MANEA: variants seen among roughly 807,000 people sequenced by gnomAD.
MANEA encodes mannosidase endo-alpha, also known as glycoprotein endo-alpha-1,2-mannosidase.
MANEA carries 25 observed loss-of-function variants against 36.8 expected under a neutral mutation model. The observed-to-expected ratio is 0.68, with a 90% CI of 0.50 to 0.95. MANEA has a LOEUF of 0.95. Ranked by LOEUF, MANEA falls within the 40% of genes least tolerant of loss-of-function variation. MANEA has a pLI of 0.00. For synonymous variants in MANEA, 198 were observed against 188.5 expected (o/e 1.05, Z -0.41); for missense variants, 565 against 558.8 (o/e 1.01, Z -0.11).
At position 95,606,362 on chromosome 6, in the gene MANEA, A is replaced by G. The variant is rs560191537; in HGVS notation, c.1346A>G (p.Glu449Gly). Reference sequence around the variant, plus strand: ...AAGTGGTCTGAAAAATACAGTAAGGAAAGAGCAACTTATGCATTAGATCGC... The same window carrying G: ...AAGTGGTCTGAAAAATACAGTAAGGGAAGAGCAACTTATGCATTAGATCGC... ...TRKWSEKYSK[E>G]RATYALDRQL... The change falls in exon 5 of 5, where the codon GAA (glutamate) becomes GGA (glycine). Residue 449 changes from glutamate to glycine, a missense_variant. By Grantham distance (98) the Glu-to-Gly change is moderately conservative. Coordinates refer to ENST00000358812, the MANE Select transcript of MANEA (RefSeq NM_024641.4). 1 of 1,604,354 alleles carries G rather than the reference A, an allele frequency of 6.2e-7. No homozygotes were observed. Among genetic ancestry groups the G allele is most frequent in the East Asian group, 2.2e-5 (1 of 44,860 alleles).
At chr6:95,578,436 T>A (rs2127936051) in intron 1 of MANEA, among the ~76,000 whole-genome samples, 1 of 151,894 alleles carries the variant, frequency 6.6e-6, no homozygotes. Flanking sequence ...ATAAGAAAAA[T>A]GGGACTGGAA....
intron 4 of MANEA, 29 bp from the exon 5 acceptor site, chr6:95,605,719 T>C (rs1358450910): frequency 6.4e-7 from 1 of 1,553,854 alleles, no homozygotes; most frequent in Admixed American, 1.8e-5. Context: ...TGAATATTCA[T>C]TTCACTTTTA....
chr6:95,579,622 TA>T, intron 1 of MANEA, among the ~76,000 whole-genome samples: 1 of 152,336 alleles, frequency 6.6e-6, no homozygotes, highest in East Asian at 1.9e-4. Flanking sequence ...TTAATTTAGT[TA>T]ATTGAAAGGG....
At chr6:95,601,343 C>T (rs1173398931) in intron 3 of MANEA, among the ~76,000 whole-genome samples, 1 of 152,172 alleles carries the variant, frequency 6.6e-6, no homozygotes, top group African/African-American at 2.4e-5. Context: ...GGTTTTCCTT[C>T]CCCTGCATGC....
At chr6:95,598,551 G>A (rs1769527700) in intron 3 of MANEA, among the ~76,000 whole-genome samples, 1 of 152,094 alleles carries the variant, frequency 6.6e-6, no homozygotes, top group Non-Finnish European at 1.5e-5. Context: ...GGGCTACAGG[G>A]TTGTTTTTGT....
rs556310435 is a variant in MANEA at position 95,598,427 on chromosome 6, G to A, written c.654+1581G>A. On this transcript the variant is annotated intron_variant, in intron 3 of 4. Coordinates refer to ENST00000358812, the MANE Select transcript of MANEA (RefSeq NM_024641.4). ...AGGATCCACTAACAGACTTTCTCAT[G>A]TGGTGGATGACAGACCTCAGTTCTT... Among the ~76,000 whole-genome samples the A allele has an allele frequency of 1.9e-4, 29 of 152,300 alleles. No individual in the cohort carries two copies. In the East Asian group the frequency reaches 5.6e-3, roughly 29 times the overall value.
At chr6:95,600,566 CTAATA>C (rs1351165065) in intron 3 of MANEA, among the ~76,000 whole-genome samples, 2 of 152,064 alleles carry the variant, frequency 1.3e-5, no homozygotes, top group Non-Finnish European at 2.9e-5. Context: ...CCTTTTCTTG[CTAATA>C]TAAGGAAATT....
At chr6:95,596,274 GGT>G (rs1396970540) in intron 2 of MANEA, among the ~76,000 whole-genome samples, 2 of 152,012 alleles carry the variant, frequency 1.3e-5, no homozygotes, top group Non-Finnish European at 2.9e-5. Context: ...GAGAGCATAT[GGT>G]ATAATAGATT....
At chr6:95,603,005 C>T (rs1272807994) in intron 3 of MANEA, among the ~76,000 whole-genome samples, 3 of 113,844 alleles carry the variant, frequency 2.6e-5, no homozygotes, top group Admixed American at 1.3e-4. Context: ...CCGGCCTGGG[C>T]GACAGAGCGA....
chr6:95,587,143 C>T, intron 2 of MANEA, 160 bp downstream of exon 2: 1 of 566,376 alleles, frequency 1.8e-6, no homozygotes. Context: ...AACATCCAGG[C>T]AACCACATTT....
At chr6:95,599,082 G>C (rs1279149902) in intron 3 of MANEA, among the ~76,000 whole-genome samples, 2 of 152,142 alleles carry the variant, frequency 1.3e-5, no homozygotes, top group African/African-American at 2.4e-5. Flanking sequence ...ATAGATTGCT[G>C]TCTGGCACAG....
At chr6:95,601,709 T>G (rs577092254) in intron 3 of MANEA, among the ~76,000 whole-genome samples, 69 of 139,578 alleles carry the variant, frequency 4.9e-4, no homozygotes, top group Non-Finnish European at 7.0e-4. Context: ...ATTAGGCAGA[T>G]TCAGTGATTT....
At chr6:95,601,715 G>A (rs1439460293) in intron 3 of MANEA, among the ~76,000 whole-genome samples, 8 of 72,634 alleles carry the variant, frequency 1.1e-4, no homozygotes, top group Non-Finnish European at 2.1e-4. Context: ...CAGATTCAGT[G>A]ATTTTTTTTT....
At position 95,601,716 on chromosome 6, in the gene MANEA, A is replaced by ATTTTTTTTTTTTTT. The variant is rs67335804; in HGVS notation, c.655-3096_655-3083dup. ...AAAAGAAAATTAGGCAGATTCAGTG[A>ATTTTTTTTTTTTTT]TTTTTTTTTTTTTTTTTTTTTTTTT... On this transcript the variant is annotated intron_variant, in intron 3 of 4. Coordinates refer to ENST00000358812, the MANE Select transcript of MANEA (RefSeq NM_024641.4). Among the ~76,000 whole-genome samples the ATTTTTTTTTTTTTT allele has an allele frequency of 5.5e-4, 36 of 64,992 alleles. 2 individuals are homozygous for ATTTTTTTTTTTTTT. The highest frequency in any genetic ancestry group is 6.2e-4 in the Non-Finnish European group (23 of 37,294). 42.6% of individuals were successfully genotyped at this position (64,992 alleles called of 152,430 possible).
rs147775245 is a variant in MANEA at position 95,583,112 on chromosome 6, A to G, written c.-38-3290A>G. On this transcript the variant is annotated intron_variant, in intron 1 of 4. Coordinates refer to ENST00000358812, the MANE Select transcript of MANEA (RefSeq NM_024641.4). Reference sequence around the variant, plus strand: ...TCTTCTGGAGGAACATTTTGTCAGTATGTATATAGTTATTAAAACAAAATC... The same window carrying G: ...TCTTCTGGAGGAACATTTTGTCAGTGTGTATATAGTTATTAAAACAAAATC... 3.6e-4 allele frequency among the ~76,000 whole-genome samples: 55 copies of G among 152,286 alleles called. 1 individual carries two copies. The East Asian group carries it at 0.01, about 28-fold the overall frequency.
chr6:95,595,063 G>T (rs1261099036), intron 2 of MANEA, among the ~76,000 whole-genome samples: 1 of 152,022 alleles, frequency 6.6e-6, no homozygotes, highest in Non-Finnish European at 1.5e-5. Flanking sequence ...CAGGAATCTT[G>T]TTTTGTTTTT....
chr6:95,602,564 CATGAA>C (rs1460808386), intron 3 of MANEA, among the ~76,000 whole-genome samples: 3 of 152,012 alleles, frequency 2.0e-5, no homozygotes, highest in Admixed American at 1.3e-4. Flanking sequence ...AAATTAAAAA[CATGAA>C]ATGAGGGAAT....
chr6:95,580,743 G>C (rs1279660397), intron 1 of MANEA, among the ~76,000 whole-genome samples: 1 of 140,824 alleles, frequency 7.1e-6, no homozygotes, highest in African/African-American at 2.6e-5. Context: ...AAAAAAAAAA[G>C]AAATGACAAT....
At chr6:95,579,412 T>A (rs912492066) in intron 1 of MANEA, among the ~76,000 whole-genome samples, 7 of 151,932 alleles carry the variant, frequency 4.6e-5, no homozygotes, top group Non-Finnish European at 1.0e-4. Flanking sequence ...AAACTAAACC[T>A]CACTGAATTT....
Sources: allele counts gnomAD v4.1 joint callset (sites outside exome capture counted in the v4.1 genomes callset), GRCh38; gene constraint gnomAD v4.1.1; transcripts MANE v1.5; gene names NCBI Gene and HGNC (gene_info 2026-07-23, HGNC 2026-07-21).